The following MTHFD2L variants were observed in gnomAD, a reference collection of about 807,000 sequenced individuals.
MTHFD2L encodes methylenetetrahydrofolate dehydrogenase (NADP+ dependent) 2 like.
In MTHFD2L, 29 loss-of-function variants were observed where a neutral mutation model predicts 34.9. The observed-to-expected ratio is 0.83, with a 90% confidence interval of 0.62 to 1.13. The LOEUF is 1.13. Ranked by LOEUF, MTHFD2L falls within the 50% of genes most tolerant of loss-of-function variation. The pLI is 0.00. For synonymous variants in MTHFD2L, 167 were observed against 155.7 expected (o/e 1.07, Z -0.54); for missense variants, 481 against 446.5 (o/e 1.08, Z -0.70).
At chr4:74,196,672 G>C (rs1440140900) in intron 3 of MTHFD2L, among the ~76,000 whole-genome samples, 2 of 152,072 alleles carry the variant, frequency 1.3e-5, no homozygotes, top group African/African-American at 4.8e-5. Context: ...TCAGTGGCCA[G>C]GCTCAGTGGC....
intron 3 of MTHFD2L, among the ~76,000 whole-genome samples, chr4:74,191,846 C>T (rs1000655912): frequency 2.6e-5 from 4 of 152,086 alleles, no homozygotes; most frequent in Non-Finnish European, 5.9e-5. Context: ...CATGAGCCAC[C>T]GTGCCTGACC....
intron 6 of MTHFD2L, among the ~76,000 whole-genome samples, chr4:74,234,983 G>T (rs1286028142): frequency 1.6e-4 from 25 of 152,120 alleles, no homozygotes; most frequent in Admixed American, 5.9e-4. Context: ...AGAATAAAAG[G>T]CAATGAGACT....
intron 6 of MTHFD2L, among the ~76,000 whole-genome samples, chr4:74,278,637 TC>T (rs1224982716): frequency 3.9e-5 from 6 of 152,132 alleles, no homozygotes; most frequent in Admixed American, 1.3e-4. Context: ...TATTATGGCC[TC>T]AGCTAAAGTG....
upstream of MTHFD2L, among the ~76,000 whole-genome samples, chr4:74,153,890 T>C (rs1724092084): frequency 1.3e-5 from 2 of 152,232 alleles, no homozygotes; most frequent in South Asian, 4.1e-4. Flanking sequence ...TGAATCTATA[T>C]TGATACATTA....
chr4:74,122,010 C>A (rs1721789095), upstream of MTHFD2L, among the ~76,000 whole-genome samples: 1 of 152,034 alleles, frequency 6.6e-6, no homozygotes, highest in South Asian at 2.1e-4. Flanking sequence ...AAAATAAATT[C>A]CTGTTGTGTA....
chr4:74,191,058 GCC>G (rs1732387216), intron 3 of MTHFD2L, among the ~76,000 whole-genome samples: 1 of 152,024 alleles, frequency 6.6e-6, no homozygotes, highest in South Asian at 2.1e-4. Context: ...CGGCCACCAT[GCC>G]CATCTAATTT....
At position 74,181,041 on chromosome 4, in the gene MTHFD2L, T is replaced by C. The variant is rs565180827; in HGVS notation, c.451+5638T>C. Among the ~76,000 whole-genome samples the C allele has an allele frequency of 1.2e-4, 19 of 152,210 alleles. No individual in the cohort carries two copies. In the South Asian group the frequency reaches 3.9e-3, roughly 32 times the overall value. On this transcript the variant is annotated intron_variant, in intron 3 of 7. Transcript: ENST00000325278. ...AGTAAAGTAATTAGAAAAATAGTCT[T>C]TTAAAACTGGGAACCAGTGGCATCC...
chr4:74,148,389 T>TTATC (rs142284412), intron 1 of MTHFD2L, among the ~76,000 whole-genome samples: 43 of 118,048 alleles, frequency 3.6e-4, no homozygotes, highest in African/African-American at 1.3e-3. Flanking sequence ...ATTTATTTAT[T>TTATC]TATCTATCTA....
chr4:74,184,713 A>G (rs1226510881), intron 3 of MTHFD2L, among the ~76,000 whole-genome samples: 3 of 152,140 alleles, frequency 2.0e-5, no homozygotes, highest in African/African-American at 7.2e-5. Context: ...GGCAGATAAT[A>G]CCCTTTCTTC....
chr4:74,142,470 A>C (rs1001790334), intron 1 of MTHFD2L, among the ~76,000 whole-genome samples: 2 of 152,180 alleles, frequency 1.3e-5, no homozygotes, highest in African/African-American at 4.8e-5. Context: ...TCTGTAACCT[A>C]GAAGAGGACT....
At chr4:74,238,484 A>G (rs1020017592) in intron 6 of MTHFD2L, among the ~76,000 whole-genome samples, 1 of 152,232 alleles carries the variant, frequency 6.6e-6, no homozygotes. Flanking sequence ...ACAAAAGCCA[A>G]AAGAGACAAA....
intron 5 of MTHFD2L, among the ~76,000 whole-genome samples, chr4:74,203,991 C>A (rs1734891729): frequency 6.6e-6 from 1 of 151,872 alleles, no homozygotes; most frequent in African/African-American, 2.4e-5. Context: ...TTCTCTTAAA[C>A]CATCCTCATT....
chr4:74,124,683 G>A (rs1721949969), upstream of MTHFD2L, among the ~76,000 whole-genome samples: 1 of 152,004 alleles, frequency 6.6e-6, no homozygotes, highest in African/African-American at 2.4e-5. Context: ...TGTGCCCTTT[G>A]ATGAAAGCAG....
intron 3 of MTHFD2L, among the ~76,000 whole-genome samples, chr4:74,177,873 A>G (rs1027898873): frequency 6.6e-6 from 1 of 151,998 alleles, no homozygotes; most frequent in East Asian, 1.9e-4. Context: ...GGCTGAATGG[A>G]TAAAGTAAAT....
At chr4:74,265,122 T>G (rs1745127615) in intron 6 of MTHFD2L, among the ~76,000 whole-genome samples, 1 of 152,218 alleles carries the variant, frequency 6.6e-6, no homozygotes, top group South Asian at 2.1e-4. Context: ...ACTCAGTGGC[T>G]TAAAACAATA....
intron 1 of MTHFD2L, among the ~76,000 whole-genome samples, chr4:74,140,732 CAA>C (rs978583990): frequency 6.6e-6 from 1 of 152,184 alleles, no homozygotes; most frequent in African/African-American, 2.4e-5. Flanking sequence ...GAAGGGGAAG[CAA>C]AAGTGTCCTT....
At chr4:74,215,762 G>A (rs1019381225) in intron 5 of MTHFD2L, among the ~76,000 whole-genome samples, 1 of 151,752 alleles carries the variant, frequency 6.6e-6, no homozygotes, top group Non-Finnish European at 1.5e-5. Flanking sequence ...AAAAAGGGGA[G>A]GAGAGGGCTG....
At chr4:74,189,423 C>G (rs531381157) in intron 3 of MTHFD2L, among the ~76,000 whole-genome samples, 1 of 149,838 alleles carries the variant, frequency 6.7e-6, no homozygotes, top group Non-Finnish European at 1.5e-5. Flanking sequence ...GAAGACCACT[C>G]TCTTGCATGT....
At chr4:74,248,362 C>CTTCTCTCTTTTAA (rs1742793582) in intron 6 of MTHFD2L, among the ~76,000 whole-genome samples, 1 of 152,108 alleles carries the variant, frequency 6.6e-6, no homozygotes, top group Non-Finnish European at 1.5e-5. Context: ...CTATTTGATT[C>CTTCTCTCTTTTAA]TTCTCTCTTT....
Sources: gnomAD v4.1 joint callset for allele counts (sites outside exome capture counted in the v4.1 genomes callset) on GRCh38, gnomAD v4.1.1 for gene constraint, MANE v1.5 for transcripts, NCBI Gene and HGNC (gene_info 2026-07-23, HGNC 2026-07-21) for gene names.